WNT9B: variants seen among roughly 807,000 people sequenced by gnomAD.
WNT9B encodes the protein Wnt family member 9B.
WNT9B carries 12 observed loss-of-function variants against 30.2 expected under a neutral mutation model. That is an observed-to-expected ratio of 0.40 (90% CI 0.26 to 0.64). WNT9B has a LOEUF of 0.64. WNT9B is among the 30% of genes least tolerant of loss of function. The pLI, the probability that WNT9B is intolerant of heterozygous loss-of-function variation, is 0.42. For synonymous variants in WNT9B, 218 were observed against 216.9 expected (o/e 1.01, Z -0.05); for missense variants, 442 against 485.2 (o/e 0.91, Z 0.84).
chr17:46,849,853 TTTTTTTTG>T (rs1278451825), upstream of WNT9B, among the ~76,000 whole-genome samples: 1 of 151,670 alleles, frequency 6.6e-6, no homozygotes, highest in African/African-American at 2.4e-5. Flanking sequence ...TAATATCTTT[TTTTTTTTG>T]TTTTGAGATG....
At chr17:46,874,491 G>T (rs1346067998) in intron 2 of WNT9B, among the ~76,000 whole-genome samples, 2 of 152,188 alleles carry the variant, frequency 1.3e-5, no homozygotes, top group African/African-American at 4.8e-5. Flanking sequence ...AGAGGTGAAG[G>T]CCGTAGCCCC....
At chr17:46,880,703 T>A (rs1008726386), downstream of WNT9B, among the ~76,000 whole-genome samples, 4 of 152,222 alleles carry the variant, frequency 2.6e-5, no homozygotes, top group Non-Finnish European at 4.4e-5. Context: ...ACAGATCTCC[T>A]GGCCTCCAAA....
intron 2 of WNT9B, among the ~76,000 whole-genome samples, chr17:46,873,572 T>G (rs2085291578): frequency 6.6e-6 from 1 of 152,204 alleles, no homozygotes; most frequent in South Asian, 2.1e-4. Flanking sequence ...TAAATGGAAC[T>G]TCTAGCCTGG....
At chr17:46,865,447 G>A (rs371821077) in intron 1 of WNT9B, among the ~76,000 whole-genome samples, 18 of 152,160 alleles carry the variant, frequency 1.2e-4, no homozygotes, top group Non-Finnish European at 1.8e-4. Context: ...GGGCTCCAGC[G>A]GGGAAGTGTG....
chr17:46,876,544 A>C lies in WNT9B; in HGVS notation c.900A>C (p.Thr300=). ...GGCCCAGCAAGTACTCACCTGGCAC[A>C]GCAGGTAGGGTGTGCTCCCGGGAGG... The part of the protein sequence containing the change: ...FCRPSKYSPG[T]AGRVCSREAS... The change falls in exon 4 of 4, where the codon ACA becomes ACC. Residue 300 remains threonine (T), a synonymous_variant. Transcript: ENST00000290015. 3 of 1,613,692 alleles carry C rather than the reference A, an allele frequency of 1.9e-6. No homozygotes were observed. Among genetic ancestry groups the C allele is most frequent in the Non-Finnish European group, 2.5e-6 (3 of 1,180,038 alleles).
Position 46,851,745 on chromosome 17 carries a change from C to A in WNT9B, c.77+30C>A. 1 of 1,177,646 alleles carries A rather than the reference C, an allele frequency of 8.5e-7. No homozygotes were observed. The highest frequency in any genetic ancestry group is 1.1e-6 in the Non-Finnish European group (1 of 928,834). The allele number at this position is 1,177,646 out of a possible 1,614,324, so 72.9% of individuals were successfully genotyped here. Reference sequence around the variant, plus strand: ...GTGCCCGCCGCGCCCCCCGCCCGCTCCCCGGCCTGCCTGTCTCTCCCTCCT... The same window carrying A: ...GTGCCCGCCGCGCCCCCCGCCCGCTACCCGGCCTGCCTGTCTCTCCCTCCT... On this transcript the variant is annotated intron_variant, in intron 1 of 3. Coordinates refer to ENST00000290015, the MANE Select transcript of WNT9B (RefSeq NM_003396.3). This position sits in a 1 kb window ranked among gnomAD's most constrained non-coding sequence, Gnocchi z 4.3.
chr17:46,863,317 A>G (rs1813552397), intron 1 of WNT9B, among the ~76,000 whole-genome samples: 1 of 152,198 alleles, frequency 6.6e-6, no homozygotes, highest in African/African-American at 2.4e-5. Flanking sequence ...TTAGACACCT[A>G]AGGGGCATAA....
chr17:46,838,824 G>C lies in WNT9B; in HGVS notation c.95+5384G>C, dbSNP rs1319822478. On this transcript the variant is annotated intron_variant, in intron 1 of 2. Transcript: ENST00000575372. ...TGGCATAGAGGCCTGTGCACAGAGAGGGGATTACTCACCATATAAAATGGT... is the reference window on the plus strand; with the variant it reads ...TGGCATAGAGGCCTGTGCACAGAGACGGGATTACTCACCATATAAAATGGT... Among the ~76,000 whole-genome samples, 13 of 152,096 alleles carry C rather than the reference G, an allele frequency of 8.5e-5. No homozygotes were observed. The East Asian group carries it at 2.5e-3, about 29-fold the overall frequency.
chr17:46,852,418 G>C (rs1055193545), intron 1 of WNT9B, among the ~76,000 whole-genome samples: 2 of 150,876 alleles, frequency 1.3e-5, no homozygotes, highest in Non-Finnish European at 3.0e-5. Flanking sequence ...GTGTGTGTGT[G>C]TGTGTGTGTG....
chr17:46,834,529 C>T (rs1420774380), intron 1 of WNT9B, among the ~76,000 whole-genome samples: 2 of 152,170 alleles, frequency 1.3e-5, no homozygotes, highest in Non-Finnish European at 2.9e-5. Context: ...AAGCTCCTCT[C>T]GCTGGCTTGC....
chr17:46,862,863 C>A (rs754268378), intron 1 of WNT9B, among the ~76,000 whole-genome samples: 14 of 152,206 alleles, frequency 9.2e-5, no homozygotes, highest in Non-Finnish European at 1.8e-4. Flanking sequence ...GGATTACAAG[C>A]GTGAGCCACT....
At chr17:46,854,729 C>T (rs1016888545) in intron 1 of WNT9B, among the ~76,000 whole-genome samples, 1 of 152,072 alleles carries the variant, frequency 6.6e-6, no homozygotes, top group African/African-American at 2.4e-5. Context: ...GTCATGATCT[C>T]GGCTCACTGC....
At chr17:46,872,859 T>C (rs79877551) in intron 2 of WNT9B, 86 bp downstream of exon 2, 182,565 of 1,449,868 alleles carry the variant, frequency 0.13, 13,315 homozygotes, top group East Asian at 0.32. Context: ...CCTTTCCTTT[T>C]TCCTGGCTCC....
rs371289759 is a variant in WNT9B, at chr17:46,875,189, G to A, written c.423G>A (p.Glu141=). 44 of 1,613,986 alleles carry A rather than the reference G, an allele frequency of 2.7e-5. No homozygotes were observed. The highest frequency in any genetic ancestry group is 3.7e-5 in the Non-Finnish European group (44 of 1,180,052). ...LARACSAGRM[E]RCTCDDSPGL... is the part of the protein sequence containing the mutation. Reference sequence around the variant, plus strand: ...GGGCCTGCAGCGCTGGGCGCATGGAGCGCTGCACCTGTGATGACTCTCCGG... The same window carrying A: ...GGGCCTGCAGCGCTGGGCGCATGGAACGCTGCACCTGTGATGACTCTCCGG... The change falls in exon 3 of 4, where the codon GAG becomes GAA. Residue 141 remains glutamate, a synonymous_variant. Transcript: ENST00000290015.
chr17:46,884,774 C>T (rs962610053), downstream of WNT9B, among the ~76,000 whole-genome samples: 3 of 152,126 alleles, frequency 2.0e-5, no homozygotes, highest in Non-Finnish European at 4.4e-5. Context: ...AAGTATGAGG[C>T]GGGGCCAGCT....
chr17:46,833,534 G>C (rs2084583568), intron 1 of WNT9B: 1 of 425,612 alleles, frequency 2.3e-6, no homozygotes, highest in Admixed American at 2.5e-5. Flanking sequence ...CCGAGACACT[G>C]CTGGAGGCCG....
intron 1 of WNT9B, among the ~76,000 whole-genome samples, chr17:46,860,325 A>C (rs117334776): frequency 0.019 from 2,865 of 152,272 alleles, 32 homozygotes; most frequent in Middle Eastern, 0.054. Flanking sequence ...TTATGTGCTC[A>C]GGTGGAAGTT....
At chr17:46,866,664 C>T (rs550552510) in intron 1 of WNT9B, among the ~76,000 whole-genome samples, 76 of 152,160 alleles carry the variant, frequency 5.0e-4, no homozygotes, top group African/African-American at 1.7e-3. Flanking sequence ...TTCCCGGTTC[C>T]CAGGCAGCTG....
chr17:46,835,871 A>G (rs1196667046), intron 1 of WNT9B, among the ~76,000 whole-genome samples: 1 of 152,210 alleles, frequency 6.6e-6, no homozygotes, highest in African/African-American at 2.4e-5. Flanking sequence ...AAGTTGAGCT[A>G]CCTTCACTAA....
Sources: allele counts gnomAD v4.1 joint callset (sites outside exome capture counted in the v4.1 genomes callset), GRCh38; gene constraint gnomAD v4.1.1; non-coding constraint Gnocchi (gnomAD v3.1); transcripts MANE v1.5; gene names NCBI Gene and HGNC (gene_info 2026-07-23, HGNC 2026-07-21).